Variants in ITGB7 observed in about 807,000 individuals in gnomAD.
ITGB7 encodes the protein integrin beta-7.
In ITGB7, 55 loss-of-function variants were observed where a neutral mutation model predicts 83.4. The observed-to-expected ratio is 0.66, with a 90% confidence interval of 0.53 to 0.83. The LOEUF (loss-of-function observed/expected upper bound fraction) is 0.83, where lower values mean the gene tolerates loss of function less well. Among genes scored for constraint, ITGB7 ranks in the 40% least tolerant of loss-of-function variants. The probability of loss-of-function intolerance (pLI) is 0.00; values close to 1 mark genes in which losing one functional copy is unlikely to be tolerated. For synonymous variants in ITGB7, 454 were observed against 423.6 expected (o/e 1.07, Z -0.88); for missense variants, 921 against 1,046.7 (o/e 0.88, Z 1.66).
Position 53,197,877 on chromosome 12 carries a change from C to G in ITGB7, c.276G>C (p.Pro92=). The G allele has an allele frequency of 6.5e-7, 1 of 1,534,420 alleles. No homozygotes were observed. Among genetic ancestry groups the G allele is most frequent in the Non-Finnish European group, 8.7e-7 (1 of 1,147,082 alleles). ...CGCGGGGCTCCTCCAGCTCCTCCAG[C>G]GGGCAGCCTCGAGCCAGCAGCTCCT... ...RREELLARGC[P]LEELEEPRGQ... is the part of the protein sequence containing the mutation. Residue 92 remains proline, a synonymous_variant, in exon 4 of 16, where the codon CCG becomes CCC. Coordinates refer to ENST00000267082, the MANE Select transcript of ITGB7 (RefSeq NM_000889.3).
intron 7 of ITGB7, 88 bp downstream of exon 7, chr12:53,195,953 G>C (rs1307860761): frequency 3.8e-5 from 56 of 1,486,408 alleles, no homozygotes; most frequent in Middle Eastern, 1.8e-4. Context: ...GTGGTTACTG[G>C]TGAGGACTGT....
At position 53,191,910 on chromosome 12, in the gene ITGB7, G is replaced by A. The variant is rs373796876; in HGVS notation, c.2265C>T (p.Arg755=). 3 of 1,611,404 alleles carry A rather than the reference G, an allele frequency of 1.9e-6. No homozygotes were observed. The highest frequency in any genetic ancestry group is 3.3e-5 in the Admixed American group (2 of 59,964). Residue 755 remains arginine (R), a synonymous_variant, in exon 15 of 16, where the codon CGC becomes CGT. Coordinates refer to ENST00000267082, the MANE Select transcript of ITGB7 (RefSeq NM_000889.3). The part of the protein sequence containing the change: ...AYRLSVEIYD[R]REYSRFEKEQ... ...CCTTCTCAAAGCGACTGTATTCCCG[G>A]CGGTCATAGATTTCCACCGAGAGCC... is the stretch of plus-strand genomic sequence containing the variant.
At chr12:53,199,762 G>T (rs1195362172) in intron 3 of ITGB7, among the ~76,000 whole-genome samples, 3 of 151,876 alleles carry the variant, frequency 2.0e-5, no homozygotes, top group Non-Finnish European at 4.4e-5. Flanking sequence ...CCTAACTGAG[G>T]AACCAAATCA....
At position 53,193,837 on chromosome 12, in the gene ITGB7, C is replaced by A. The variant is rs767275705; in HGVS notation, c.1373G>T (p.Arg458Leu). 6.2e-7 allele frequency: 1 copy of A among 1,613,958 alleles called. No individual in the cohort carries two copies. Among genetic ancestry groups the A allele is most frequent in the Admixed American group, 1.7e-5 (1 of 59,992 alleles). ...CAGCTCCTCTGAGAAGCCAAGGGCC[C>A]GGAGCCTCAGGAGATGGGGCTCTGG... ...CLPEPHLLRL[R>L]ALGFSEELIV... The change falls in exon 11 of 16, where the codon CGG becomes CTG. Residue 458 changes from arginine (R) to leucine (L), a missense_variant. Physicochemically the swap from Arg to Leu is moderately radical, Grantham distance 102 (BLOSUM62 -2). Transcript: ENST00000267082.
intron 1 of ITGB7, among the ~76,000 whole-genome samples, chr12:53,204,642 T>A (rs1453674304): frequency 6.6e-6 from 1 of 152,172 alleles, no homozygotes; most frequent in Non-Finnish European, 1.5e-5. Flanking sequence ...AATTAGTGAA[T>A]GTACTTAATG....
intron 13 of ITGB7, 52 bp from the exon 14 acceptor site, chr12:53,192,590 C>G (rs890134707): frequency 6.2e-7 from 1 of 1,600,918 alleles, no homozygotes. Flanking sequence ...CACCCAATGC[C>G]CCTTGCCCAA....
At chr12:53,202,545 G>C (rs1232451775) in intron 1 of ITGB7, among the ~76,000 whole-genome samples, 4 of 151,722 alleles carry the variant, frequency 2.6e-5, no homozygotes, top group African/African-American at 9.7e-5. Context: ...AGTAGAGAGA[G>C]GGTTTGACCA....
chr12:53,197,814 C>T lies in ITGB7; in HGVS notation c.339G>A (p.Gln113=). 6.5e-7 allele frequency: 1 copy of T among 1,538,326 alleles called. No homozygotes were observed. The highest frequency in any genetic ancestry group is 1.4e-5 in the African/African-American group (1 of 73,008). The part of the protein sequence containing the change: ...QEVLQDQPLS[Q]GARGEGATQL... ...GGGTGGCACCCTCTCCGCGGGCGCC[C>T]TGGCTGAGCGGCTGGTCCTGCAGCA... Residue 113 remains glutamine, a synonymous_variant, in exon 4 of 16, where the codon CAG becomes CAA. Transcript: ENST00000267082.
At chr12:53,204,553 A>G (rs902888662) in intron 1 of ITGB7, among the ~76,000 whole-genome samples, 1 of 152,170 alleles carries the variant, frequency 6.6e-6, no homozygotes, top group African/African-American at 2.4e-5. Context: ...ATTAGTGGTT[A>G]CCAGAGCTTG....
intron 5 of ITGB7, chr12:53,197,120 A>T (rs565471014): frequency 1.8e-6 from 1 of 544,508 alleles, no homozygotes; most frequent in South Asian, 2.1e-5. Flanking sequence ...AAATTTGAAT[A>T]GAGGAGAGTT....
In ITGB7 at chr12:53,192,490, G is replaced by A. The variant is rs150955757; in HGVS notation, c.1995C>T (p.Asn665=). 3.0e-4 allele frequency: 478 copies of A among 1,614,204 alleles called. No individual in the cohort carries two copies. The African/African-American group carries it at 5.5e-3, about 19-fold the overall frequency. The change falls in exon 14 of 16, where the codon AAC becomes AAT. Residue 665 remains asparagine, a synonymous_variant. Transcript: ENST00000267082. The part of the protein sequence containing the change: ...GAFRTGPLAT[N]CSTACAHTNV... ...TGGTATGGGCACAAGCTGTACTGCA[G>A]TTGGTGGCCAGTGGGCCAGTCCTGA...
At chr12:53,204,959 G>A (rs1942400600) in intron 1 of ITGB7, among the ~76,000 whole-genome samples, 1 of 151,110 alleles carries the variant, frequency 6.6e-6, no homozygotes, top group South Asian at 2.1e-4. Flanking sequence ...TGAGTAGCTG[G>A]GATTACAGGT....
chr12:53,195,842 G>T, intron 7 of ITGB7, 121 bp from the exon 8 acceptor site: 1 of 1,011,970 alleles, frequency 9.9e-7, no homozygotes, highest in Non-Finnish European at 1.5e-6. Context: ...CTGGAGGCTT[G>T]CTATGGAATA....
chr12:53,191,755 T>TG (rs1251859486), intron 15 of ITGB7, 104 bp downstream of exon 15: 1 of 1,533,590 alleles, frequency 6.5e-7, no homozygotes, highest in Non-Finnish European at 9.0e-7. Flanking sequence ...GCAGAGGGGT[T>TG]GGTTACATGT....
intron 10 of ITGB7, 71 bp downstream of exon 10, chr12:53,194,127 T>C: frequency 6.2e-7 from 1 of 1,601,390 alleles, no homozygotes; most frequent in East Asian, 2.2e-5. Flanking sequence ...CCACCCATCT[T>C]TTCCTGCCTG....
chr12:53,191,686 C>G, intron 15 of ITGB7, 50 bp from the exon 16 acceptor site: 1 of 1,571,284 alleles, frequency 6.4e-7, no homozygotes, highest in Non-Finnish European at 8.8e-7. Context: ...GATTCCTCGT[C>G]CCCTTTCTAG....
At position 53,191,961 on chromosome 12, in the gene ITGB7, CA is replaced by C; in HGVS notation, c.2213del (p.Val738GlyfsTer89). ...GGTAAGCCAGGACCAGCCCCAGCCCCACTGCCACGATGCCCCCTACGCAGCC... is the reference window on the plus strand; with the variant it reads ...GGTAAGCCAGGACCAGCCCCAGCCCCCTGCCACGATGCCCCCTACGCAGCC... The part of the protein sequence containing the change: ...VLGCVGGIVA[V>X]GLGLVLAYRL... On this transcript the variant is annotated frameshift_variant, in exon 15 of 16. Transcript: ENST00000267082. LOFTEE classifies it high-confidence loss of function. 1 of 1,612,194 alleles carries C rather than the reference CA, an allele frequency of 6.2e-7. No individual in the cohort carries two copies. The highest frequency in any genetic ancestry group is 8.5e-7 in the Non-Finnish European group (1 of 1,179,998).
At chr12:53,202,344 G>A (rs1311460158) in intron 1 of ITGB7, among the ~76,000 whole-genome samples, 1 of 152,122 alleles carries the variant, frequency 6.6e-6, no homozygotes, top group Non-Finnish European at 1.5e-5. Flanking sequence ...GGACAACAGA[G>A]TGAAACTCTG....
intron 14 of ITGB7, 112 bp from the exon 15 acceptor site, chr12:53,192,131 G>A: frequency 7.3e-7 from 1 of 1,373,280 alleles, no homozygotes; most frequent in African/African-American, 1.4e-5. Flanking sequence ...AAAGCAAAGG[G>A]AACCCAGGGA....
Sources: gnomAD v4.1 joint callset for allele counts (sites outside exome capture counted in the v4.1 genomes callset) on GRCh38, gnomAD v4.1.1 for gene constraint, MANE v1.5 for transcripts, NCBI Gene and HGNC (gene_info 2026-07-23, HGNC 2026-07-21) for gene names.